The following RIMS2 variants were observed in gnomAD, a reference collection of about 807,000 sequenced individuals.
RIMS2 encodes the protein regulating synaptic membrane exocytosis 2.
Under a neutral mutation model 174.4 loss-of-function variants are expected in RIMS2, and 59 were observed. The ratio of observed to expected loss-of-function variants is 0.34; its 90% confidence interval spans 0.27 to 0.42. RIMS2 has a LOEUF of 0.42. RIMS2 is among the 10% of genes least tolerant of loss of function. The pLI is 1.00. For missense variants in RIMS2, 1,620 were observed against 1,666.3 expected, an observed-to-expected ratio of 0.97 and a Z score of 0.48; for synonymous variants, 606 against 572.5, an observed-to-expected ratio of 1.06 and a Z score of -0.84.
chr8:104,109,377 A>G (rs181362766), intron 19 of RIMS2, among the ~76,000 whole-genome samples: 3 of 151,968 alleles, frequency 2.0e-5, no homozygotes, highest in East Asian at 1.9e-4. Context: ...ATAATGATTA[A>G]AAGTTAGCTC....
At chr8:103,888,577 G>A (rs2099221827) in intron 4 of RIMS2, among the ~76,000 whole-genome samples, 1 of 151,468 alleles carries the variant, frequency 6.6e-6, no homozygotes. Context: ...CTAAAGTAAT[G>A]CCTTCACTTG....
intron 2 of RIMS2, among the ~76,000 whole-genome samples, chr8:103,741,999 C>T (rs866929738): frequency 1.3e-5 from 2 of 152,014 alleles, no homozygotes; most frequent in Non-Finnish European, 2.9e-5. Context: ...TTACTCACCA[C>T]TTGAAAAAAT....
intron 19 of RIMS2, among the ~76,000 whole-genome samples, chr8:104,194,396 G>T (rs566859362): frequency 2.0e-5 from 3 of 152,078 alleles, no homozygotes; most frequent in African/African-American, 4.8e-5. Context: ...TATAATCAAT[G>T]ATAATTTTTC....
intron 3 of RIMS2, among the ~76,000 whole-genome samples, chr8:103,829,209 T>G (rs2098810668): frequency 6.6e-6 from 1 of 151,798 alleles, no homozygotes; most frequent in Admixed American, 6.6e-5. Flanking sequence ...CTCACACCAG[T>G]CAGAATGGCT....
chr8:103,614,323 C>T (rs2095456048), intron 1 of RIMS2, among the ~76,000 whole-genome samples: 1 of 152,276 alleles, frequency 6.6e-6, no homozygotes, highest in African/African-American at 2.4e-5. Flanking sequence ...TGGGGCAATA[C>T]TGAGATCTGT....
chr8:103,671,814 C>T (rs1208160914), intron 1 of RIMS2, among the ~76,000 whole-genome samples: 1 of 152,124 alleles, frequency 6.6e-6, no homozygotes, highest in Non-Finnish European at 1.5e-5. Context: ...AATTTTGGAA[C>T]ATATATTAAT....
chr8:104,090,377 A>G (rs551855158), intron 19 of RIMS2, among the ~76,000 whole-genome samples: 14 of 151,944 alleles, frequency 9.2e-5, no homozygotes, highest in Non-Finnish European at 1.6e-4. Flanking sequence ...TATGAATCAT[A>G]GCAACAAGAC....
intron 1 of RIMS2, among the ~76,000 whole-genome samples, chr8:103,673,769 A>C (rs1006349013): frequency 6.6e-6 from 1 of 152,204 alleles, no homozygotes; most frequent in Non-Finnish European, 1.5e-5. Flanking sequence ...TAGTAATATA[A>C]ATATCTCTAG....
chr8:103,556,514 T>G (rs1002887754), intron 1 of RIMS2, among the ~76,000 whole-genome samples: 1 of 152,182 alleles, frequency 6.6e-6, no homozygotes, highest in African/African-American at 2.4e-5. Context: ...GAAATTTAAA[T>G]AAGTTAGGTG....
chr8:104,119,030 A>G (rs1017682975), intron 19 of RIMS2, among the ~76,000 whole-genome samples: 6 of 152,064 alleles, frequency 3.9e-5, no homozygotes, highest in Admixed American at 6.6e-5. Flanking sequence ...ACAAATGTTC[A>G]GCATATGTGT....
intron 20 of RIMS2, among the ~76,000 whole-genome samples, chr8:104,245,322 A>G (rs1176477984): frequency 2.0e-5 from 3 of 152,250 alleles, no homozygotes; most frequent in African/African-American, 4.8e-5. Context: ...TGCAATGCAA[A>G]TAAAATATTT....
chr8:104,150,792 G>A (rs1359099741), intron 19 of RIMS2, among the ~76,000 whole-genome samples: 1 of 152,142 alleles, frequency 6.6e-6, no homozygotes, highest in African/African-American at 2.4e-5. Flanking sequence ...AGTTTTAAAA[G>A]GTTCTCAGTA....
chr8:103,812,339 T>G (rs1303985257), intron 3 of RIMS2, among the ~76,000 whole-genome samples: 1 of 146,618 alleles, frequency 6.8e-6, no homozygotes, highest in African/African-American at 2.5e-5. Context: ...TTGTTTTTTT[T>G]TTTTTTTTTT....
intron 3 of RIMS2, among the ~76,000 whole-genome samples, chr8:103,847,153 T>G (rs1382941487): frequency 6.6e-6 from 1 of 152,156 alleles, no homozygotes; most frequent in Non-Finnish European, 1.5e-5. Flanking sequence ...CCAGGATTTC[T>G]TGCTTCACAG....
At chr8:103,910,050 C>T (rs1475583499) in intron 4 of RIMS2, 44 of 781,974 alleles carry the variant, frequency 5.6e-5, no homozygotes, top group Non-Finnish European at 7.0e-5. Flanking sequence ...GACAGGATCA[C>T]ACAGTTTAAA....
chr8:103,576,459 C>T (rs1165934193), intron 1 of RIMS2, among the ~76,000 whole-genome samples: 3 of 152,186 alleles, frequency 2.0e-5, no homozygotes, highest in African/African-American at 7.2e-5. Context: ...AAAGAGGGAA[C>T]CATGGTCTCC....
At chr8:104,151,405 CA>C (rs1222084626) in intron 19 of RIMS2, among the ~76,000 whole-genome samples, 1 of 152,032 alleles carries the variant, frequency 6.6e-6, no homozygotes, top group Non-Finnish European at 1.5e-5. Flanking sequence ...CCTATCTCTA[CA>C]AAAAATACAA....
At chr8:103,568,750 C>T (rs981955891) in intron 1 of RIMS2, 22 of 1,060,366 alleles carry the variant, frequency 2.1e-5, no homozygotes, top group Non-Finnish European at 2.9e-5. Context: ...GTAGATTCTT[C>T]ACTGGGTAAG....
At chr8:103,752,691 AG>A (rs1222305095) in intron 2 of RIMS2, among the ~76,000 whole-genome samples, 4 of 152,054 alleles carry the variant, frequency 2.6e-5, no homozygotes, top group African/African-American at 9.7e-5. Flanking sequence ...TTCTCTTTGA[AG>A]CAACTGTGAA....
Sources: allele counts gnomAD v4.1 joint callset (sites outside exome capture counted in the v4.1 genomes callset), GRCh38; gene constraint gnomAD v4.1.1; transcripts MANE v1.5; gene names NCBI Gene and HGNC (gene_info 2026-07-23, HGNC 2026-07-21).